RHBDD1: variants seen among roughly 807,000 people sequenced by gnomAD.
RHBDD1 encodes the protein rhomboid domain containing 1.
RHBDD1 carries 38 observed loss-of-function variants against 36.3 expected under a neutral mutation model. The ratio of observed to expected loss-of-function variants is 1.05; its 90% CI spans 0.81 to 1.37. RHBDD1 has a LOEUF of 1.37. Among genes scored for constraint, RHBDD1 ranks in the 40% most tolerant of loss-of-function variants. The pLI, the probability that RHBDD1 is intolerant of heterozygous loss-of-function variation, is 0.00. For synonymous variants in RHBDD1, 151 were observed against 136.5 expected, an observed-to-expected ratio of 1.11 and a Z score of -0.74; for missense variants, 393 against 377.6, an observed-to-expected ratio of 1.04 and a Z score of -0.34.
At chr2:226,856,382 C>G (rs1026569518) in intron 3 of RHBDD1, among the ~76,000 whole-genome samples, 1 of 152,048 alleles carries the variant, frequency 6.6e-6, no homozygotes, top group African/African-American at 2.4e-5. Context: ...TCTTGAAAAT[C>G]TACATTTTGT....
intron 3 of RHBDD1, among the ~76,000 whole-genome samples, chr2:226,842,412 T>C (rs1941749092): frequency 6.6e-6 from 1 of 152,122 alleles, no homozygotes; most frequent in Admixed American, 6.5e-5. Context: ...CTAGGATTTT[T>C]ATAGTTTTGG....
the RHBDD1 span, among the ~76,000 whole-genome samples, chr2:226,801,380 A>G: frequency 6.6e-6 from 1 of 152,292 alleles, no homozygotes; most frequent in Non-Finnish European, 1.5e-5. Flanking sequence ...GTAGTAAAAA[A>G]AGAAAAAGAA....
chr2:226,900,673 G>C (rs1277541200), intron 5 of RHBDD1, among the ~76,000 whole-genome samples: 1 of 152,160 alleles, frequency 6.6e-6, no homozygotes, highest in Non-Finnish European at 1.5e-5. Flanking sequence ...GAGATTTCCT[G>C]CTAAAACAAG....
At chr2:226,826,517 ATTT>A in the RHBDD1 span, among the ~76,000 whole-genome samples, 5 of 122,050 alleles carry the variant, frequency 4.1e-5, no homozygotes, top group Admixed American at 1.8e-4. Flanking sequence ...ATCATGATAG[ATTT>A]TTTTTTTTTT....
At chr2:226,936,477 G>A (rs554772336) in intron 8 of RHBDD1, among the ~76,000 whole-genome samples, 16 of 152,180 alleles carry the variant, frequency 1.1e-4, no homozygotes, top group African/African-American at 3.6e-4. Flanking sequence ...CTAGTTATCT[G>A]TGAATTAATT....
the RHBDD1 span, among the ~76,000 whole-genome samples, chr2:226,827,017 G>A: frequency 6.6e-6 from 1 of 152,078 alleles, no homozygotes; most frequent in Non-Finnish European, 1.5e-5. Flanking sequence ...GGAGTGCAGT[G>A]GAGTGATCAT....
Position 226,997,071 on chromosome 2 carries a change from T to C in RHBDD1, c.*1549T>C, listed in dbSNP as rs908995726. The C allele has an allele frequency of 1.9e-4, 29 of 152,346 alleles. No individual in the cohort carries two copies. Among genetic ancestry groups the C allele is most frequent in the African/African-American group, 6.3e-4 (26 of 41,584 alleles). The allele number at this position is 152,346 out of a possible 1,614,324, so 9.4% of individuals were successfully genotyped here. On this transcript the variant is annotated 3_prime_UTR_variant, in exon 9 of 9. Transcript: ENST00000392062. ...TGTCCAAATCCAATCTGAATTTACC[T>C]GGAAGAGGCCTTGACACCTGCATGG...
chr2:226,865,234 G>A, intron 4 of RHBDD1, 108 bp downstream of exon 4: 1 of 851,070 alleles, frequency 1.2e-6, no homozygotes, highest in Non-Finnish European at 1.9e-6. Context: ...GTGGTTAAGG[G>A]CTGCTGAGGC....
intron 5 of RHBDD1, among the ~76,000 whole-genome samples, chr2:226,879,948 T>A (rs956725653): frequency 6.6e-6 from 1 of 152,078 alleles, no homozygotes; most frequent in Non-Finnish European, 1.5e-5. Context: ...AAAGGAAGGT[T>A]TAAGTTATTT....
chr2:226,800,669 A>G, the RHBDD1 span, among the ~76,000 whole-genome samples: 22 of 152,340 alleles, frequency 1.4e-4, no homozygotes, highest in South Asian at 4.6e-3. Flanking sequence ...TCTATCCGTG[A>G]CTTTAAAAAG....
intron 5 of RHBDD1, among the ~76,000 whole-genome samples, chr2:226,885,494 G>A (rs1946130391): frequency 6.6e-6 from 1 of 152,088 alleles, no homozygotes; most frequent in Non-Finnish European, 1.5e-5. Context: ...AAATGGTATT[G>A]TCAGAGATTA....
At chr2:226,806,450 G>A in the RHBDD1 span, among the ~76,000 whole-genome samples, 5 of 151,984 alleles carry the variant, frequency 3.3e-5, no homozygotes, top group East Asian at 1.9e-4. Context: ...GCCACTGATC[G>A]GCCTATCTCT....
At chr2:226,913,527 T>A (rs1041597895) in intron 7 of RHBDD1, among the ~76,000 whole-genome samples, 1 of 152,218 alleles carries the variant, frequency 6.6e-6, no homozygotes, top group African/African-American at 2.4e-5. Flanking sequence ...TTTTCCCTGT[T>A]ATTGACCTTT....
At chr2:226,834,802 GAT>G (rs965818736), upstream of RHBDD1, among the ~76,000 whole-genome samples, 8 of 150,996 alleles carry the variant, frequency 5.3e-5, no homozygotes, top group African/African-American at 1.9e-4. Flanking sequence ...TTTTTTTTGA[GAT>G]AGAGTCATGC....
the RHBDD1 span, among the ~76,000 whole-genome samples, chr2:226,818,033 A>G: frequency 0.052 from 7,897 of 152,206 alleles, 659 homozygotes; most frequent in African/African-American, 0.17. Flanking sequence ...TCAGAATGAT[A>G]TGATAATTTG....
At chr2:226,808,377 A>G in the RHBDD1 span, 8 of 152,216 alleles carry the variant, frequency 5.3e-5, no homozygotes, top group African/African-American at 1.9e-4. Flanking sequence ...CAACTCTTTT[A>G]TTATGCTCTA....
At chr2:226,964,898 T>A (rs1952503504) in intron 8 of RHBDD1, among the ~76,000 whole-genome samples, 1 of 152,218 alleles carries the variant, frequency 6.6e-6, no homozygotes, top group South Asian at 2.1e-4. Context: ...CTGATTTTTC[T>A]CTGAATGAGA....
At chr2:226,854,238 C>G (rs940566940) in intron 3 of RHBDD1, among the ~76,000 whole-genome samples, 1 of 151,972 alleles carries the variant, frequency 6.6e-6, no homozygotes, top group African/African-American at 2.4e-5. Flanking sequence ...ATGAGGTGGT[C>G]CTTATTATTA....
chr2:226,819,105 C>A, the RHBDD1 span, among the ~76,000 whole-genome samples: 2 of 152,192 alleles, frequency 1.3e-5, no homozygotes, highest in Admixed American at 1.3e-4. Context: ...ATCCTCTAGG[C>A]ACTTGAATTT....
Sources: allele counts gnomAD v4.1 joint callset (sites outside exome capture counted in the v4.1 genomes callset), GRCh38; gene constraint gnomAD v4.1.1; transcripts MANE v1.5; gene names NCBI Gene and HGNC (gene_info 2026-07-23, HGNC 2026-07-21).